ZNF619: variants seen among roughly 807,000 people sequenced by gnomAD.
ZNF619 encodes the protein zinc finger protein 619.
Under a neutral mutation model 14.2 loss-of-function variants are expected in ZNF619, and 9 were observed. The observed-to-expected ratio is 0.64, with a 90% CI of 0.38 to 1.11. The LOEUF is 1.11. ZNF619 is among the 50% of genes least tolerant of loss of function. The pLI, the probability that ZNF619 is intolerant of heterozygous loss-of-function variation, is 0.01. For missense variants in ZNF619, 659 were observed against 680.1 expected (o/e 0.97, Z 0.34); for synonymous variants, 246 against 252.8 (o/e 0.97, Z 0.26).
rs941233542 is a variant in ZNF619, at chr3:40,490,171, A to T, written c.*1930A>T. The stretch of plus-strand genomic sequence containing the variant: ...AAGTAAGCCCTTACCAGATGCCTGC[A>T]CCTTTATATTGGACTTCTTAGCCTT... On this transcript the variant is annotated 3_prime_UTR_variant, in exon 5 of 5. Transcript: ENST00000432264. The T allele has an allele frequency of 6.6e-6, 1 of 152,208 alleles. No homozygotes were observed. The highest frequency in any genetic ancestry group is 1.5e-5 in the Non-Finnish European group (1 of 68,066). 9.4% of individuals were successfully genotyped at this position (152,208 alleles called of 1,614,324 possible).
chr3:40,481,184 G>C (rs1697381133), intron 2 of ZNF619, among the ~76,000 whole-genome samples: 1 of 152,198 alleles, frequency 6.6e-6, no homozygotes, highest in Non-Finnish European at 1.5e-5. Flanking sequence ...TGAGAAGCTG[G>C]AGGTGGTTTT....
Position 40,488,198 on chromosome 3 carries a change from A to G in ZNF619, c.1688A>G (p.Lys563Arg). 1 of 1,609,444 alleles carries G rather than the reference A, an allele frequency of 6.2e-7. No individual in the cohort carries two copies. Among genetic ancestry groups the G allele is most frequent in the Non-Finnish European group, 8.5e-7 (1 of 1,177,004 alleles). ...HFFQDLAFPG[K>R]SSLQSPNPLS... ...TTTCAGGATCTCGCTTTTCCTGGGA[A>G]GTCATCCCTTCAGAGCCCGAATCCT... Residue 563 changes from lysine (K) to arginine (R), a missense_variant, in exon 5 of 5, where the codon AAG becomes AGG. Lys to Arg is a conservative substitution (Grantham distance 26). Transcript: ENST00000432264.
chr3:40,487,355 A>G lies in ZNF619; in HGVS notation c.845A>G (p.His282Arg), dbSNP rs754483892. The part of the protein sequence containing the change: ...NSHLLQHQKL[H>R]GGQRPYECTD... ...CACCTTCTTCAGCATCAGAAGCTCC[A>G]TGGTGGACAGAGGCCCTATGAATGT... The change falls in exon 5 of 5, where the codon CAT becomes CGT. Residue 282 changes from histidine to arginine, a missense_variant. By Grantham distance (29) the His-to-Arg change is conservative (BLOSUM62 0). Transcript: ENST00000432264. The G allele has an allele frequency of 6.2e-7, 1 of 1,614,216 alleles. No individual in the cohort carries two copies. Among genetic ancestry groups the G allele is most frequent in the Non-Finnish European group, 8.5e-7 (1 of 1,180,040 alleles).
At chr3:40,485,302 A>T (rs986583442) in intron 4 of ZNF619, among the ~76,000 whole-genome samples, 21 of 142,994 alleles carry the variant, frequency 1.5e-4, no homozygotes, top group East Asian at 1.2e-3. Flanking sequence ...TGAATGCATC[A>T]TTTTTTTTTT....
rs369040909 is a variant in ZNF619 at position 40,488,290 on chromosome 3, C to T, written c.*49C>T. 1.1e-6 allele frequency: 1 copy of T among 880,520 alleles called. No individual in the cohort carries two copies. Among genetic ancestry groups the T allele is most frequent in the African/African-American group, 1.7e-5 (1 of 59,830 alleles). The allele number at this position is 880,520 out of a possible 1,614,324, so 54.5% of individuals were successfully genotyped here. A position where few individuals can be genotyped will look rare whatever the true frequency, so the allele number is the denominator to read the frequency against. ...TTTGCACCTCAAGTTAGGGATTCCACTGGTCTCCTGATTGTGTCTATTGAT... is the reference window on the plus strand; with the variant it reads ...TTTGCACCTCAAGTTAGGGATTCCATTGGTCTCCTGATTGTGTCTATTGAT... On this transcript the variant is annotated 3_prime_UTR_variant, in exon 5 of 5. Coordinates refer to ENST00000432264, the MANE Select transcript of ZNF619 (RefSeq NM_001145093.4).
In ZNF619 at chr3:40,488,402, T is replaced by C; in HGVS notation, c.*161T>C. On this transcript the variant is annotated 3_prime_UTR_variant, in exon 5 of 5. Transcript: ENST00000432264. ...ACGCTTAAGGACCATGTTTGATTAG[T>C]TTCTTTTATCCCCCGGTAGGAAATG... is the stretch of plus-strand genomic sequence containing the variant. 1 of 583,256 alleles carries C rather than the reference T, an allele frequency of 1.7e-6. No individual in the cohort carries two copies. The allele number at this position is 583,256 out of a possible 1,614,324, so 36.1% of individuals were successfully genotyped here.
intron 3 of ZNF619, 190 bp from the exon 4 acceptor site, chr3:40,482,398 G>A: frequency 1.9e-6 from 3 of 1,592,266 alleles, no homozygotes; most frequent in Non-Finnish European, 1.7e-6. Flanking sequence ...GACTCTGGGA[G>A]CATTCTGTCC....
chr3:40,486,958 G>T lies in ZNF619; in HGVS notation c.448G>T (p.Asp150Tyr). The change falls in exon 5 of 5, where the codon GAT becomes TAT. Residue 150 changes from aspartate to tyrosine, a missense_variant. Asp to Tyr is a radical substitution (Grantham distance 160, BLOSUM62 -3). Coordinates refer to ENST00000432264, the MANE Select transcript of ZNF619 (RefSeq NM_001145093.4). ...KDRLEKSQLH[D>Y]TGNKTKIGDC... ...CAGGTTAGAGAAGTCACAGCTACATGATACAGGGAATAAAACAAAGATAGG... is the reference window on the plus strand; with the variant it reads ...CAGGTTAGAGAAGTCACAGCTACATTATACAGGGAATAAAACAAAGATAGG... The T allele has an allele frequency of 6.2e-7, 1 of 1,614,164 alleles. No homozygotes were observed. The highest frequency in any genetic ancestry group is 8.5e-7 in the Non-Finnish European group (1 of 1,180,032).
intron 2 of ZNF619, among the ~76,000 whole-genome samples, chr3:40,479,743 G>C (rs1162301233): frequency 1.3e-5 from 2 of 152,124 alleles, no homozygotes; most frequent in African/African-American, 2.4e-5. Flanking sequence ...GGGATGTCCT[G>C]TTCATTATAG....
In ZNF619 at chr3:40,487,761, G is replaced by A; in HGVS notation, c.1251G>A (p.Val417=). 2 of 1,613,916 alleles carry A rather than the reference G, an allele frequency of 1.2e-6. No homozygotes were observed. The highest frequency in any genetic ancestry group is 1.7e-6 in the Non-Finnish European group (2 of 1,179,978). Residue 417 remains valine, a synonymous_variant, in exon 5 of 5, where the codon GTG becomes GTA. Coordinates refer to ENST00000432264, the MANE Select transcript of ZNF619 (RefSeq NM_001145093.4). Reference sequence around the variant, plus strand: ...TCAGCTGTAGCTCCCGCTTCATAGTGCATCAGAGAATCCACAATGGGGAGA... The same window carrying A: ...TCAGCTGTAGCTCCCGCTTCATAGTACATCAGAGAATCCACAATGGGGAGA... ...KTFSCSSRFI[V]HQRIHNGEKP...
At chr3:40,482,807 G>A in intron 4 of ZNF619, 103 bp downstream of exon 4, 1 of 851,146 alleles carries the variant, frequency 1.2e-6, no homozygotes, top group South Asian at 1.7e-5. Context: ...ATGGTTGTGG[G>A]GATTAAAATA....
intron 3 of ZNF619, 140 bp downstream of exon 3, chr3:40,482,156 T>G: frequency 6.5e-7 from 1 of 1,546,860 alleles, no homozygotes; most frequent in Non-Finnish European, 8.7e-7. Context: ...GTGCCAGGGG[T>G]AGCTGGATGG....
intron 3 of ZNF619, 45 bp from the exon 4 acceptor site, chr3:40,482,543 G>A (rs780954088): frequency 6.3e-7 from 1 of 1,591,572 alleles, no homozygotes; most frequent in Admixed American, 1.7e-5. Flanking sequence ...AGGGAGGTCA[G>A]TGTTGATTCT....
At position 40,488,435 on chromosome 3, in the gene ZNF619, T is replaced by G. The variant is rs924531281; in HGVS notation, c.*194T>G. On this transcript the variant is annotated 3_prime_UTR_variant, in exon 5 of 5. Coordinates refer to ENST00000432264, the MANE Select transcript of ZNF619 (RefSeq NM_001145093.4). Reference sequence around the variant, plus strand: ...ATCCCCCGGTAGGAAATGGCAGTACTTATTCTTTATCGTGTCCACATTTGG... The same window carrying G: ...ATCCCCCGGTAGGAAATGGCAGTACGTATTCTTTATCGTGTCCACATTTGG... 7.0e-5 allele frequency: 39 copies of G among 561,062 alleles called. No individual in the cohort carries two copies. The highest frequency in any genetic ancestry group is 6.0e-4 in the African/African-American group (32 of 53,410). The allele number at this position is 561,062 out of a possible 1,614,324, so 34.8% of individuals were successfully genotyped here. A position where few individuals can be genotyped will look rare whatever the true frequency, so the allele number is the denominator to read the frequency against.
Position 40,489,711 on chromosome 3 carries a change from CA to C in ZNF619, c.*1473del, listed in dbSNP as rs1697750876. 1 of 152,098 alleles carries C rather than the reference CA, an allele frequency of 6.6e-6. No homozygotes were observed. The highest frequency in any genetic ancestry group is 1.5e-5 in the Non-Finnish European group (1 of 68,054). The allele number at this position is 152,098 out of a possible 1,614,324, so 9.4% of individuals were successfully genotyped here. ...GCATCACACTGGTGAGCACCAGAGG[CA>C]AAGAAGAGAAACCTGACCATGACTT... On this transcript the variant is annotated 3_prime_UTR_variant, in exon 5 of 5. Coordinates refer to ENST00000432264, the MANE Select transcript of ZNF619 (RefSeq NM_001145093.4).
rs528845592 is a variant in ZNF619, at chr3:40,482,669, T to A, written c.260T>A (p.Leu87His). The change falls in exon 4 of 5, where the codon CTT becomes CAT. Residue 87 changes from leucine (L) to histidine (H), a missense_variant. Leu to His is a moderately conservative substitution (Grantham distance 99). Transcript: ENST00000432264. ...GCATGGGGCCCAGATCCCTGGACAC[T>A]TGCTGGGGGAGAGGCCCTGAGAGGC... Reference protein sequence around the residue: ...EAAWGPDPWTLAGGEALRGMC... With the variant: ...EAAWGPDPWTHAGGEALRGMC... 1.2e-6 allele frequency: 2 copies of A among 1,614,088 alleles called. No individual in the cohort carries two copies. The highest frequency in any genetic ancestry group is 4.5e-5 in the East Asian group (2 of 44,876).
In ZNF619 at chr3:40,491,046, ATAAAT is replaced by A. The variant is rs1697788565; in HGVS notation, c.*2808_*2812del. ...TGAGCTAAATAAACTTCTTTTCTTT[ATAAAT>A]TACCCAATCTGTGATATTCTGTTAT... On this transcript the variant is annotated 3_prime_UTR_variant, in exon 5 of 5. Transcript: ENST00000432264. Among the ~76,000 whole-genome samples, 1 of 152,136 alleles carries A rather than the reference ATAAAT, an allele frequency of 6.6e-6. No homozygotes were observed. The highest frequency in any genetic ancestry group is 1.5e-5 in the Non-Finnish European group (1 of 68,026).
rs1283979120 is a variant in ZNF619, at chr3:40,488,012, TCTCTC to T, written c.1507_1511del (p.Pro503AlafsTer38). ...AAGCCCTACTGTCCCTGCGCCATCC[TCTCTC>T]CTCTGCCTCCCCAACATACCTGCTC... On this transcript the variant is annotated frameshift_variant, in exon 5 of 5. Coordinates refer to ENST00000432264, the MANE Select transcript of ZNF619 (RefSeq NM_001145093.4). LOFTEE classifies it low-confidence loss of function (END_TRUNC). 4.3e-6 allele frequency: 7 copies of T among 1,614,006 alleles called. No individual in the cohort carries two copies. Among genetic ancestry groups the T allele is most frequent in the Admixed American group, 1.7e-5 (1 of 59,998 alleles).
intron 2 of ZNF619, among the ~76,000 whole-genome samples, chr3:40,480,733 C>A (rs1029274829): frequency 2.2e-4 from 34 of 152,226 alleles, no homozygotes; most frequent in African/African-American, 8.2e-4. Context: ...ATCTCCTGAC[C>A]TCGCGATCTG....
Sources: gnomAD v4.1 joint callset for allele counts (sites outside exome capture counted in the v4.1 genomes callset) on GRCh38, gnomAD v4.1.1 for gene constraint, MANE v1.5 for transcripts, NCBI Gene and HGNC (gene_info 2026-07-23, HGNC 2026-07-21) for gene names.